TNKS: variants seen among roughly 807,000 people sequenced by gnomAD.
TNKS encodes the protein tankyrase, also known as poly [ADP-ribose] polymerase tankyrase-1.
A neutral mutation model predicts 135.8 loss-of-function variants in TNKS; 72 were observed. The observed-to-expected ratio is 0.53, with a 90% CI of 0.44 to 0.64. The LOEUF is 0.64. TNKS is among the 30% of genes least tolerant of loss of function. The pLI, the probability that TNKS is intolerant of heterozygous loss-of-function variation, is 0.00. For missense variants in TNKS, 1,769 were observed against 1,674.0 expected (o/e 1.06, Z -0.99); for synonymous variants, 849 against 649.3 (o/e 1.31, Z -4.68).
At position 9,720,535 on chromosome 8, in the gene TNKS, G is replaced by C; in HGVS notation, c.1911G>C (p.Gln637His). Residue 637 changes from glutamine (Q) to histidine (H), a missense_variant, in exon 12 of 27, where the codon CAG becomes CAC. Coordinates refer to ENST00000310430, the MANE Select transcript of TNKS (RefSeq NM_003747.3). ...AGATGGGCAATGAAGCAGTGCAGCA[G>C]ATTCTGAGTGGTGAGTTAAAATAGA... The part of the protein sequence containing the change: ...AAQMGNEAVQ[Q>H]ILSESTPIRT... The C allele has an allele frequency of 6.2e-7, 1 of 1,612,030 alleles. No homozygotes were observed. The highest frequency in any genetic ancestry group is 8.5e-7 in the Non-Finnish European group (1 of 1,179,252).
chr8:9,570,042 C>T lies in TNKS; in HGVS notation c.674-10117C>T, dbSNP rs1585178818. Among the ~76,000 whole-genome samples the T allele has an allele frequency of 2.6e-5, 4 of 152,148 alleles. No homozygotes were observed. The South Asian group carries it at 8.3e-4, about 31-fold the overall frequency. ...GTTACGGTTTCATTTTGACATTTTA[C>T]ACCTTAATCTATTTTAAATTTATTT... On this transcript the variant is annotated intron_variant, in intron 1 of 26. Coordinates refer to ENST00000310430, the MANE Select transcript of TNKS (RefSeq NM_003747.3).
chr8:9,640,113 A>G (rs1800669011), intron 3 of TNKS, among the ~76,000 whole-genome samples: 1 of 152,222 alleles, frequency 6.6e-6, no homozygotes, highest in South Asian at 2.1e-4. Flanking sequence ...TACCAAAGTT[A>G]GGGTTTCCTT....
At chr8:9,693,086 A>C (rs1231794405) in intron 5 of TNKS, among the ~76,000 whole-genome samples, 1 of 152,214 alleles carries the variant, frequency 6.6e-6, no homozygotes, top group African/African-American at 2.4e-5. Flanking sequence ...ATTCCATTTT[A>C]ATGGCTAATG....
chr8:9,755,681 A>G (rs919004014), intron 20 of TNKS, among the ~76,000 whole-genome samples: 3 of 152,172 alleles, frequency 2.0e-5, no homozygotes, highest in Non-Finnish European at 4.4e-5. Context: ...GGGTGCATGC[A>G]TTGAACGCAT....
At chr8:9,695,367 G>C (rs919573633) in intron 5 of TNKS, among the ~76,000 whole-genome samples, 2 of 152,040 alleles carry the variant, frequency 1.3e-5, no homozygotes, top group Non-Finnish European at 2.9e-5. Flanking sequence ...TTTTTCAGAA[G>C]TTACTTTAAT....
intron 2 of TNKS, among the ~76,000 whole-genome samples, chr8:9,601,028 A>T (rs1028247302): frequency 1.3e-5 from 2 of 152,222 alleles, no homozygotes; most frequent in African/African-American, 4.8e-5. Flanking sequence ...AAGAGCTTTT[A>T]AAAAGCATTG....
rs10672387 is a variant in TNKS, at chr8:9,746,881, C to CTTTTTTTTTTTTTTTTTTTT, written c.2644-1124_2644-1123insTTTTTTTTTTTTTTTTTTTT. On this transcript the variant is annotated intron_variant, in intron 17 of 26. Transcript: ENST00000310430. ...TCTGAGAGTTTCATACCTACTTAAA[C>CTTTTTTTTTTTTTTTTTTTT]TTTTTTTTTTTTTTTTTTTGAGACG... Among the ~76,000 whole-genome samples, 50 of 117,188 alleles carry CTTTTTTTTTTTTTTTTTTTT rather than the reference C, an allele frequency of 4.3e-4. 5 individuals are homozygous for CTTTTTTTTTTTTTTTTTTTT. The highest frequency in any genetic ancestry group is 1.8e-3 in the African/African-American group (49 of 27,538). The allele number at this position is 117,188 out of a possible 152,430, so 76.9% of individuals were successfully genotyped here.
At chr8:9,600,885 A>T (rs981919243) in intron 2 of TNKS, among the ~76,000 whole-genome samples, 1 of 152,316 alleles carries the variant, frequency 6.6e-6, no homozygotes, top group East Asian at 1.9e-4. Flanking sequence ...AGTCAGCATT[A>T]TTACAGAATC....
rs1467931504 is a variant in TNKS, at chr8:9,753,846, T to TA, written c.3153+1221dup. Among the ~76,000 whole-genome samples the TA allele has an allele frequency of 3.3e-5, 5 of 152,352 alleles. 1 individual carries two copies. In the South Asian group the frequency reaches 6.2e-4, roughly 19 times the overall value. On this transcript the variant is annotated intron_variant, in intron 20 of 26. Transcript: ENST00000310430. Reference sequence around the variant, plus strand: ...AATTCCTTTGTTTTCAGCTTACGCTTACGCTTACCCTGTTTTGCACAGAGA... The same window carrying TA: ...AATTCCTTTGTTTTCAGCTTACGCTTAACGCTTACCCTGTTTTGCACAGAGA...
intron 3 of TNKS, among the ~76,000 whole-genome samples, chr8:9,618,772 T>A: frequency 6.6e-6 from 1 of 152,210 alleles, no homozygotes; most frequent in East Asian, 1.9e-4. Context: ...AAAAATCATT[T>A]GTAATTTTGC....
At chr8:9,727,088 C>G (rs77957277) in intron 13 of TNKS, among the ~76,000 whole-genome samples, 16,014 of 152,148 alleles carry the variant, frequency 0.11, 1,279 homozygotes, top group Admixed American at 0.24. Flanking sequence ...TAAACTAGAT[C>G]GAGCCCAGAC....
chr8:9,715,182 G>A (rs1040453571), intron 11 of TNKS, among the ~76,000 whole-genome samples: 1 of 152,078 alleles, frequency 6.6e-6, no homozygotes, highest in Non-Finnish European at 1.5e-5. Context: ...TGAGGGCTTT[G>A]GTAGTTTTTG....
intron 20 of TNKS, among the ~76,000 whole-genome samples, chr8:9,759,924 G>A (rs556442710): frequency 7.9e-5 from 12 of 151,552 alleles, no homozygotes; most frequent in African/African-American, 2.4e-4. Context: ...GCAGTGAGCC[G>A]CTGAGATCGC....
intron 26 of TNKS, among the ~76,000 whole-genome samples, chr8:9,774,913 G>T (rs1341064003): frequency 6.6e-6 from 1 of 152,132 alleles, no homozygotes; most frequent in Non-Finnish European, 1.5e-5. Flanking sequence ...GGAAGTAGGG[G>T]TGGGCATCCA....
At position 9,555,981 on chromosome 8, in the gene TNKS, TCAA is replaced by T; in HGVS notation, c.48_50del (p.Gln17del). On this transcript the variant is annotated inframe_deletion, in exon 1 of 27. Transcript: ENST00000310430. Reference sequence around the variant, plus strand: ...GCTCTCAGCATCATCACCACCATCATCAACAACAGCTCCAGCCCGCCCCAGGGG... The same window carrying T: ...GCTCTCAGCATCATCACCACCATCATCAACAGCTCCAGCCCGCCCCAGGGG... 3 of 1,613,414 alleles carry T rather than the reference TCAA, an allele frequency of 1.9e-6. No homozygotes were observed. Among genetic ancestry groups the T allele is most frequent in the Non-Finnish European group, 2.5e-6 (3 of 1,179,844 alleles).
At chr8:9,605,878 T>C (rs937778281) in intron 2 of TNKS, among the ~76,000 whole-genome samples, 1 of 152,072 alleles carries the variant, frequency 6.6e-6, no homozygotes, top group Non-Finnish European at 1.5e-5. Flanking sequence ...AATATTTTCT[T>C]CTAGATTGTG....
chr8:9,602,298 C>T (rs1404973783), intron 2 of TNKS, among the ~76,000 whole-genome samples: 1 of 152,138 alleles, frequency 6.6e-6, no homozygotes, highest in Non-Finnish European at 1.5e-5. Context: ...GTACCAGCTC[C>T]CCATGGTCTA....
chr8:9,585,252 A>ATT (rs1280177576), intron 2 of TNKS, among the ~76,000 whole-genome samples: 81 of 152,194 alleles, frequency 5.3e-4, no homozygotes, highest in African/African-American at 1.9e-3. Flanking sequence ...GTACAGAGAC[A>ATT]AATGTTGAAA....
intron 2 of TNKS, among the ~76,000 whole-genome samples, chr8:9,610,065 G>A (rs1448817755): frequency 3.9e-5 from 6 of 152,020 alleles, no homozygotes; most frequent in African/African-American, 1.5e-4. Context: ...CACCTTGTTA[G>A]CCAGGGTGGT....
Sources: allele counts gnomAD v4.1 joint callset (sites outside exome capture counted in the v4.1 genomes callset), GRCh38; gene constraint gnomAD v4.1.1; transcripts MANE v1.5; gene names NCBI Gene and HGNC (gene_info 2026-07-23, HGNC 2026-07-21).